HMGA2: variants seen among roughly 807,000 people sequenced by gnomAD.
HMGA2 encodes high mobility group AT-hook 2, also known as high mobility group protein HMGI-C.
In HMGA2, 8 loss-of-function variants were observed where a neutral mutation model predicts 19.1. That is an observed-to-expected ratio of 0.42 (90% CI 0.25 to 0.76). The LOEUF is 0.76. Among genes scored for constraint, HMGA2 ranks in the 30% least tolerant of loss-of-function variants. HMGA2 has a pLI of 0.28. For missense variants in HMGA2, 109 were observed against 136.3 expected (o/e 0.80, Z 1.00); for synonymous variants, 60 against 48.8 (o/e 1.23, Z -0.96).
intron 2 of HMGA2, among the ~76,000 whole-genome samples, chr12:65,837,450 C>T (rs1192758554): frequency 6.6e-6 from 1 of 152,172 alleles, no homozygotes; most frequent in Non-Finnish European, 1.5e-5. Flanking sequence ...CAAGTACCCC[C>T]ACCGGCTGCT....
chr12:65,854,993 CT>C (rs1365270798), intron 3 of HMGA2, among the ~76,000 whole-genome samples: 4 of 152,164 alleles, frequency 2.6e-5, no homozygotes, highest in African/African-American at 9.7e-5. Flanking sequence ...GTAACTTACA[CT>C]TTTGTACTGC....
intron 3 of HMGA2, among the ~76,000 whole-genome samples, chr12:65,886,731 G>A (rs944986250): frequency 2.0e-5 from 3 of 152,166 alleles, no homozygotes; most frequent in Non-Finnish European, 4.4e-5. Context: ...ACACAGAGGT[G>A]TTCGAGGAAG....
At chr12:65,898,771 G>T (rs189738635) in intron 3 of HMGA2, among the ~76,000 whole-genome samples, 1 of 152,066 alleles carries the variant, frequency 6.6e-6, no homozygotes, top group Non-Finnish European at 1.5e-5. Context: ...GAGGCCGGGC[G>T]CAGTGGCTCA....
At chr12:65,958,913 C>T (rs1272284061) in intron 4 of HMGA2, 1 of 151,814 alleles carries the variant, frequency 6.6e-6, no homozygotes, top group Admixed American at 6.6e-5. Context: ...TTTTGCACTC[C>T]GTACCACACA....
chr12:65,951,900 C>T (rs371539870), intron 4 of HMGA2: 19 of 167,436 alleles, frequency 1.1e-4, no homozygotes, highest in South Asian at 5.0e-4. Flanking sequence ...GTTATACTAA[C>T]GTGCAGACTG....
chr12:65,879,325 C>T lies in HMGA2; in HGVS notation c.249+40756C>T, dbSNP rs1048324482. Among the ~76,000 whole-genome samples the T allele has an allele frequency of 6.7e-5, 10 of 149,866 alleles. No individual in the cohort carries two copies. The South Asian group carries it at 2.1e-3, about 32-fold the overall frequency. ...TTTTTTTTTGGTAGTGATGGGGCTT[C>T]GCCATGTTGCCCAGGCTGGTCTCGA... On this transcript the variant is annotated intron_variant, in intron 3 of 4. Coordinates refer to ENST00000403681, the MANE Select transcript of HMGA2 (RefSeq NM_003483.6).
chr12:65,952,282 T>C (rs768109755), intron 4 of HMGA2: 21 of 1,041,526 alleles, frequency 2.0e-5, no homozygotes, highest in South Asian at 1.5e-4. Flanking sequence ...AACTCTTTCA[T>C]GTAATTTTAA....
At chr12:65,868,069 C>T (rs1237171094) in intron 3 of HMGA2, among the ~76,000 whole-genome samples, 1 of 152,154 alleles carries the variant, frequency 6.6e-6, no homozygotes, top group East Asian at 1.9e-4. Context: ...ACATTGCTTA[C>T]AAAATAATCT....
intron 3 of HMGA2, among the ~76,000 whole-genome samples, chr12:65,941,002 C>T (rs932232887): frequency 2.0e-5 from 3 of 152,110 alleles, no homozygotes; most frequent in Non-Finnish European, 4.4e-5. Flanking sequence ...TGTTTGATTC[C>T]ATGAATGTGA....
At chr12:65,836,870 A>C (rs1307172421) in intron 2 of HMGA2, among the ~76,000 whole-genome samples, 1 of 152,226 alleles carries the variant, frequency 6.6e-6, no homozygotes, top group African/African-American at 2.4e-5. Context: ...TAACTGAATC[A>C]GTGACAATTT....
chr12:65,922,334 C>A (rs951434844), intron 3 of HMGA2, among the ~76,000 whole-genome samples: 10 of 152,172 alleles, frequency 6.6e-5, no homozygotes, highest in African/African-American at 2.2e-4. Flanking sequence ...ACCGTAGGAA[C>A]CAACCTCTTA....
rs190072413 is a variant in HMGA2 at position 65,833,578 on chromosome 12, C to A, written c.199-4941C>A. On this transcript the variant is annotated intron_variant, in intron 2 of 4. Transcript: ENST00000403681. ...GAATTGAATTATTCTTAGTTTCCAA[C>A]CTCTGCTCTTGTCCATGTGTTTATA... Among the ~76,000 whole-genome samples the A allele has an allele frequency of 4.7e-3, 708 of 152,230 alleles. 2 individuals are homozygous for A. The highest frequency in any genetic ancestry group is 7.6e-3 in the Non-Finnish European group (520 of 67,986).
chr12:65,886,353 CT>C (rs1873653748), intron 3 of HMGA2, among the ~76,000 whole-genome samples: 1 of 146,874 alleles, frequency 6.8e-6, no homozygotes, highest in Non-Finnish European at 1.5e-5. Context: ...GAGCTTCTTT[CT>C]TTTTCTCTCT....
chr12:65,837,344 C>A lies in HMGA2; in HGVS notation c.199-1175C>A, dbSNP rs151073614. Among the ~76,000 whole-genome samples, 160 of 152,234 alleles carry A rather than the reference C, an allele frequency of 1.1e-3. 3 individuals are homozygous for A. The East Asian group carries it at 0.026, about 25-fold the overall frequency. On this transcript the variant is annotated intron_variant, in intron 2 of 4. Transcript: ENST00000403681. ...TCTGCCTATCCATCTATCTGTTTGT[C>A]AACTATCATGTAAAGCTATTTGTTT...
chr12:65,828,667 A>C (rs1435738559), intron 2 of HMGA2: 2 of 162,330 alleles, frequency 1.2e-5, no homozygotes, highest in Non-Finnish European at 2.7e-5. Context: ...TTTGTTTTAC[A>C]ATAAACCTGC....
At chr12:65,862,050 G>T (rs1440536393) in intron 3 of HMGA2, among the ~76,000 whole-genome samples, 1 of 151,908 alleles carries the variant, frequency 6.6e-6, no homozygotes, top group East Asian at 1.9e-4. Flanking sequence ...TCACCATGTT[G>T]ATCAGGCTGG....
intron 2 of HMGA2, among the ~76,000 whole-genome samples, chr12:65,837,924 G>GTTCCT (rs1870803959): frequency 1.3e-5 from 2 of 152,202 alleles, no homozygotes; most frequent in Admixed American, 1.3e-4. Context: ...TGATTGACAG[G>GTTCCT]TGATTGTTTC....
intron 3 of HMGA2, among the ~76,000 whole-genome samples, chr12:65,886,161 A>G: frequency 6.6e-6 from 1 of 152,140 alleles, no homozygotes; most frequent in Non-Finnish European, 1.5e-5. Context: ...TATATATTAT[A>G]TATGTTGGTT....
chr12:65,849,901 T>TAGAG (rs1871389819), intron 3 of HMGA2, among the ~76,000 whole-genome samples: 1 of 152,078 alleles, frequency 6.6e-6, no homozygotes, highest in Non-Finnish European at 1.5e-5. Context: ...GTATTTTTAG[T>TAGAG]AGAGACAGGG....
Sources: gnomAD v4.1 joint callset for allele counts (sites outside exome capture counted in the v4.1 genomes callset) on GRCh38, gnomAD v4.1.1 for gene constraint, MANE v1.5 for transcripts, NCBI Gene and HGNC (gene_info 2026-07-23, HGNC 2026-07-21) for gene names.